Variants in MAD1L1 observed in about 807,000 individuals in gnomAD.
MAD1L1 encodes the protein mitotic arrest deficient 1 like 1.
In MAD1L1, 95 loss-of-function variants were observed where a neutral mutation model predicts 96.9. The observed-to-expected ratio is 0.98, with a 90% CI of 0.83 to 1.16. The LOEUF (loss-of-function observed/expected upper bound fraction) is 1.16, where lower values mean the gene tolerates loss of function less well. MAD1L1 is among the 50% of genes most tolerant of loss of function. The probability of loss-of-function intolerance (pLI) is 0.00; values close to 1 mark genes in which losing one functional copy is unlikely to be tolerated. For synonymous variants in MAD1L1, 473 were observed against 396.6 expected (o/e 1.19, Z -2.29); for missense variants, 1,007 against 954.4 (o/e 1.06, Z -0.73).
chr7:2,219,850 C>T (rs1213932637), intron 5 of MAD1L1, among the ~76,000 whole-genome samples: 4 of 152,130 alleles, frequency 2.6e-5, no homozygotes, highest in Non-Finnish European at 5.9e-5. Flanking sequence ...ACAGAGGAGA[C>T]CGGGCCCCAG....
At chr7:2,019,703 C>T (rs1283525156) in intron 12 of MAD1L1, among the ~76,000 whole-genome samples, 1 of 151,746 alleles carries the variant, frequency 6.6e-6, no homozygotes, top group Non-Finnish European at 1.5e-5. Flanking sequence ...TCCACCCACG[C>T]AAGGCCACGC....
At chr7:1,868,582 G>A (rs1390790395) in intron 18 of MAD1L1, among the ~76,000 whole-genome samples, 2 of 151,918 alleles carry the variant, frequency 1.3e-5, no homozygotes, top group Non-Finnish European at 2.9e-5. Context: ...ATCATCCTGG[G>A]GTCCTGGGAT....
At chr7:2,143,658 C>T (rs552873302) in intron 11 of MAD1L1, among the ~76,000 whole-genome samples, 1 of 152,156 alleles carries the variant, frequency 6.6e-6, no homozygotes, top group African/African-American at 2.4e-5. Context: ...ATGAAACAGG[C>T]CAGGCCCAGG....
chr7:2,074,435 A>C (rs1320863698), intron 11 of MAD1L1, among the ~76,000 whole-genome samples: 2 of 152,220 alleles, frequency 1.3e-5, no homozygotes, highest in African/African-American at 4.8e-5. Context: ...CCCATGGAAC[A>C]GGAACTGAGG....
chr7:2,042,088 C>T (rs1293674624), intron 12 of MAD1L1, among the ~76,000 whole-genome samples: 4 of 150,922 alleles, frequency 2.7e-5, no homozygotes, highest in Admixed American at 2.6e-4. Context: ...TGTACACACA[C>T]ATCCACACAC....
At chr7:1,987,372 G>A (rs951791891) in intron 14 of MAD1L1, among the ~76,000 whole-genome samples, 6 of 152,236 alleles carry the variant, frequency 3.9e-5, no homozygotes, top group African/African-American at 1.4e-4. Context: ...ACGCGGCAAT[G>A]GCCACTTCCC....
At chr7:2,183,557 G>A (rs1791305557) in intron 10 of MAD1L1, among the ~76,000 whole-genome samples, 1 of 152,124 alleles carries the variant, frequency 6.6e-6, no homozygotes, top group African/African-American at 2.4e-5. Flanking sequence ...ATACACCATG[G>A]AATACTATGC....
chr7:2,082,530 C>T lies in MAD1L1; in HGVS notation c.1074-13192G>A, dbSNP rs550292035. ...GTGAGGCATGGAGCTGGGCTCTGGCCGGCGTCGCCGGGTCTGGTGTGGGAG... is the reference window on the plus strand; with the variant it reads ...GTGAGGCATGGAGCTGGGCTCTGGCTGGCGTCGCCGGGTCTGGTGTGGGAG... On this transcript the variant is annotated intron_variant, in intron 11 of 18. Transcript: ENST00000265854. Among the ~76,000 whole-genome samples the T allele has an allele frequency of 1.9e-4, 29 of 152,284 alleles. No homozygotes were observed. In the South Asian group the frequency reaches 4.4e-3, roughly 23 times the overall value.
At position 1,921,328 on chromosome 7, in the gene MAD1L1, T is replaced by C. The variant is rs375879673; in HGVS notation, c.1807+15359A>G. ...AATTTGACTAATTCTTTTTTTTTTT[T>C]TCTTTTTGGAGACAGGGTCTATCTC... is the stretch of plus-strand genomic sequence containing the variant. On this transcript the variant is annotated intron_variant, in intron 17 of 18. Coordinates refer to ENST00000265854, the MANE Select transcript of MAD1L1 (RefSeq NM_001013836.2). 1.4e-4 allele frequency among the ~76,000 whole-genome samples: 21 copies of C among 152,274 alleles called. No homozygotes were observed. The East Asian group carries it at 3.3e-3, about 24-fold the overall frequency.
At chr7:2,083,694 G>A (rs1169004451) in intron 11 of MAD1L1, among the ~76,000 whole-genome samples, 1 of 152,240 alleles carries the variant, frequency 6.6e-6, no homozygotes, top group Non-Finnish European at 1.5e-5. Context: ...GTTGAAACCC[G>A]GCCTCCGCCA....
chr7:1,934,157 C>T (rs766324504), intron 17 of MAD1L1, among the ~76,000 whole-genome samples: 4 of 152,208 alleles, frequency 2.6e-5, no homozygotes, highest in Non-Finnish European at 4.4e-5. Context: ...CTCCTGGTGG[C>T]GCCATGTGGC....
chr7:1,975,363 C>T (rs1780589254), intron 15 of MAD1L1, among the ~76,000 whole-genome samples: 1 of 152,186 alleles, frequency 6.6e-6, no homozygotes, highest in African/African-American at 2.4e-5. Flanking sequence ...ACTTGTACTC[C>T]AGACCCGGCC....
intron 12 of MAD1L1, among the ~76,000 whole-genome samples, chr7:2,016,151 C>T (rs181419757): frequency 1.3e-5 from 2 of 152,300 alleles, no homozygotes; most frequent in East Asian, 1.9e-4. Flanking sequence ...ACAACAGGTG[C>T]TCAAGAAGCG....
At chr7:2,211,856 CAG>C (rs768162449) in intron 10 of MAD1L1, among the ~76,000 whole-genome samples, 3 of 152,236 alleles carry the variant, frequency 2.0e-5, no homozygotes, top group African/African-American at 4.8e-5. Context: ...ATAGCTCTTT[CAG>C]AGAGTCTCAG....
At chr7:1,934,845 C>T (rs1246745420) in intron 17 of MAD1L1, among the ~76,000 whole-genome samples, 2 of 151,902 alleles carry the variant, frequency 1.3e-5, no homozygotes, top group Non-Finnish European at 2.9e-5. Context: ...CCGAGACAGG[C>T]AGAGACCCAG....
rs1429499395 is a variant in MAD1L1, at chr7:2,114,993, G to A, written c.1073+34159C>T. ...GTTCCCAGGGTAGAAACAGTGACGG[G>A]CCAGTGCAGCAGAGAAGAGCAGAGC... is the stretch of plus-strand genomic sequence containing the variant. On this transcript the variant is annotated intron_variant, in intron 11 of 18. Coordinates refer to ENST00000265854, the MANE Select transcript of MAD1L1 (RefSeq NM_001013836.2). The surrounding 1 kb of genome is among the most constrained non-coding windows in gnomAD (Gnocchi z 4.2). 6.6e-6 allele frequency among the ~76,000 whole-genome samples: 1 copy of A among 152,242 alleles called. No homozygotes were observed. The highest frequency in any genetic ancestry group is 1.5e-5 in the Non-Finnish European group (1 of 68,040).
At chr7:2,161,908 G>A (rs974244392) in intron 10 of MAD1L1, among the ~76,000 whole-genome samples, 7 of 142,096 alleles carry the variant, frequency 4.9e-5, no homozygotes, top group Non-Finnish European at 7.8e-5. Flanking sequence ...GCCCCCGCCC[G>A]CCAGCCAGCC....
At chr7:2,172,076 T>A (rs996746344) in intron 10 of MAD1L1, among the ~76,000 whole-genome samples, 1 of 152,102 alleles carries the variant, frequency 6.6e-6, no homozygotes, top group East Asian at 1.9e-4. Flanking sequence ...CTGCCTGTAC[T>A]TCCTCACTCA....
chr7:2,049,392 G>A (rs1784067248), intron 12 of MAD1L1, among the ~76,000 whole-genome samples: 1 of 152,208 alleles, frequency 6.6e-6, no homozygotes. Flanking sequence ...CCACTCCATG[G>A]CCTCTGCTGA....
Sources: gnomAD v4.1 joint callset for allele counts (sites outside exome capture counted in the v4.1 genomes callset) on GRCh38, gnomAD v4.1.1 for gene constraint, Gnocchi (gnomAD v3.1) non-coding constraint, MANE v1.5 for transcripts, NCBI Gene and HGNC (gene_info 2026-07-23, HGNC 2026-07-21) for gene names.